Variants in PBX1 observed in about 807,000 individuals in gnomAD.
PBX1 encodes the protein PBX homeobox 1.
In PBX1, 6 loss-of-function variants were observed where a neutral mutation model predicts 53.4. That is an observed-to-expected ratio of 0.11 (90% CI 0.06 to 0.22). PBX1 has a LOEUF of 0.22. Ranked by LOEUF, PBX1 falls within the 10% of genes least tolerant of loss-of-function variation. The pLI, the probability that PBX1 is intolerant of heterozygous loss-of-function variation, is 1.00. For missense variants in PBX1, 251 were observed against 551.4 expected, an observed-to-expected ratio of 0.46 and a Z score of 5.46; for synonymous variants, 204 against 212.3, an observed-to-expected ratio of 0.96 and a Z score of 0.34.
chr1:164,624,870 C>T (rs1657934781), intron 2 of PBX1, among the ~76,000 whole-genome samples: 1 of 152,066 alleles, frequency 6.6e-6, no homozygotes, highest in Non-Finnish European at 1.5e-5. Context: ...GCCTGTTGTC[C>T]AAAACTGCTT....
intron 2 of PBX1, among the ~76,000 whole-genome samples, chr1:164,868,452 AC>A (rs1672271017): frequency 1.3e-5 from 2 of 152,066 alleles, no homozygotes; most frequent in African/African-American, 4.8e-5. Context: ...ATCTACAGGG[AC>A]CCTACATGGA....
At chr1:164,809,726 T>A (rs900391949) in intron 5 of PBX1, among the ~76,000 whole-genome samples, 8 of 152,182 alleles carry the variant, frequency 5.3e-5, no homozygotes, top group African/African-American at 1.9e-4. Flanking sequence ...AGCTATTGAT[T>A]TCCCCCATGA....
At chr1:164,823,753 G>A (rs772774143) in intron 8 of PBX1, among the ~76,000 whole-genome samples, 10 of 152,090 alleles carry the variant, frequency 6.6e-5, no homozygotes, top group Non-Finnish European at 1.3e-4. Context: ...GCCTGAAAAT[G>A]CCACTTGAAA....
chr1:164,869,392 C>T (rs1051770912), intron 2 of PBX1, among the ~76,000 whole-genome samples: 3 of 152,182 alleles, frequency 2.0e-5, no homozygotes, highest in African/African-American at 7.2e-5. Flanking sequence ...CACTGGGCTC[C>T]AAGTGGGTCT....
intron 2 of PBX1, among the ~76,000 whole-genome samples, chr1:164,709,491 C>A (rs1023893357): frequency 6.6e-6 from 1 of 151,882 alleles, no homozygotes; most frequent in Non-Finnish European, 1.5e-5. Context: ...CTCATGTTTC[C>A]AGGATATTTT....
chr1:164,792,234 T>G (rs1668550560), intron 2 of PBX1, among the ~76,000 whole-genome samples: 1 of 152,188 alleles, frequency 6.6e-6, no homozygotes, highest in African/African-American at 2.4e-5. Context: ...TGGTACCCAT[T>G]ATTCTACTTT....
intron 2 of PBX1, among the ~76,000 whole-genome samples, chr1:164,772,022 A>G (rs1327521213): frequency 6.6e-6 from 1 of 152,208 alleles, no homozygotes; most frequent in African/African-American, 2.4e-5. Flanking sequence ...GGGGGAAAAA[A>G]ATCCTGCCCC....
At chr1:164,674,277 G>A (rs1661295752) in intron 2 of PBX1, among the ~76,000 whole-genome samples, 1 of 152,180 alleles carries the variant, frequency 6.6e-6, no homozygotes, top group Admixed American at 6.5e-5. Flanking sequence ...CTTACACATG[G>A]ACAAAGAGGA....
chr1:164,754,437 A>G (rs1350823949), intron 2 of PBX1, among the ~76,000 whole-genome samples: 3 of 152,212 alleles, frequency 2.0e-5, no homozygotes, highest in Non-Finnish European at 2.9e-5. Flanking sequence ...TAAATGTGAC[A>G]GAATATTCAG....
intron 2 of PBX1, among the ~76,000 whole-genome samples, chr1:164,760,879 C>T (rs1666776108): frequency 6.6e-6 from 1 of 152,152 alleles, no homozygotes; most frequent in Non-Finnish European, 1.5e-5. Flanking sequence ...GGACATTTCC[C>T]AATTAGATTG....
chr1:164,732,613 A>G (rs1481527720), intron 2 of PBX1, among the ~76,000 whole-genome samples: 2 of 152,066 alleles, frequency 1.3e-5, no homozygotes, highest in Admixed American at 6.6e-5. Context: ...AAAGACCGTA[A>G]TTACTTTCGC....
chr1:164,739,120 A>G (rs1360913985), intron 2 of PBX1, among the ~76,000 whole-genome samples: 1 of 152,164 alleles, frequency 6.6e-6, no homozygotes, highest in Non-Finnish European at 1.5e-5. Context: ...CCTAGTTTCC[A>G]GAAGCTGTAG....
intron 2 of PBX1, among the ~76,000 whole-genome samples, chr1:164,753,368 A>G (rs544079638): frequency 6.1e-4 from 93 of 152,308 alleles, no homozygotes; most frequent in African/African-American, 2.2e-3. Flanking sequence ...TGCATCATTA[A>G]TTTCTCTGCA....
At chr1:164,663,204 T>TCCTTCCTG (rs922732686) in intron 2 of PBX1, among the ~76,000 whole-genome samples, 89 of 149,016 alleles carry the variant, frequency 6.0e-4, no homozygotes, top group Non-Finnish European at 1.1e-3. Context: ...CTTCCTGCCT[T>TCCTTCCTG]CCTTCCTGCC....
At chr1:164,755,768 G>A (rs1666479526) in intron 2 of PBX1, among the ~76,000 whole-genome samples, 1 of 152,084 alleles carries the variant, frequency 6.6e-6, no homozygotes, top group Non-Finnish European at 1.5e-5. Context: ...GAGCATACCT[G>A]CAGTCCTTTC....
chr1:164,745,796 TA>T (rs1665861326), intron 2 of PBX1, among the ~76,000 whole-genome samples: 1 of 152,230 alleles, frequency 6.6e-6, no homozygotes, highest in Admixed American at 6.5e-5. Context: ...AAAAGTCTCT[TA>T]ATTCTGCTGT....
Position 164,718,367 on chromosome 1 carries a change from C to A in PBX1, c.266-74127C>A, listed in dbSNP as rs190348608. ...AAAATCTTCTGCCAATTAAAGCTTC[C>A]AGTTGTATCACATTTAGGAACTTTG... On this transcript the variant is annotated intron_variant, in intron 2 of 8. Coordinates refer to ENST00000420696, the MANE Select transcript of PBX1 (RefSeq NM_002585.4). 2.0e-5 allele frequency among the ~76,000 whole-genome samples: 3 copies of A among 152,226 alleles called. No individual in the cohort carries two copies. In the East Asian group the frequency reaches 5.8e-4, roughly 29 times the overall value.
At chr1:164,841,386 G>T (rs570944389) in intron 8 of PBX1, among the ~76,000 whole-genome samples, 9 of 152,270 alleles carry the variant, frequency 5.9e-5, no homozygotes, top group African/African-American at 1.7e-4. Context: ...CAAGGCTGCG[G>T]CAGAGCTGCT....
intron 2 of PBX1, among the ~76,000 whole-genome samples, chr1:164,751,487 T>A (rs1192104002): frequency 1.3e-5 from 2 of 152,046 alleles, no homozygotes; most frequent in African/African-American, 4.8e-5. Flanking sequence ...TGTAAAAATG[T>A]AAAACTCACT....
Sources: allele counts gnomAD v4.1 joint callset (sites outside exome capture counted in the v4.1 genomes callset), GRCh38; gene constraint gnomAD v4.1.1; transcripts MANE v1.5; gene names NCBI Gene and HGNC (gene_info 2026-07-23, HGNC 2026-07-21).